Variants in KIFAP3 observed in about 807,000 individuals in gnomAD.
KIFAP3 encodes the protein kinesin-associated protein 3.
Under a neutral mutation model 106.5 loss-of-function variants are expected in KIFAP3, and 68 were observed. The ratio of observed to expected loss-of-function variants is 0.64; its 90% CI spans 0.53 to 0.78. KIFAP3 has a LOEUF of 0.78. KIFAP3 is among the 30% of genes least tolerant of loss of function. The pLI is 0.00. For missense variants in KIFAP3, 780 were observed against 941.8 expected (o/e 0.83, Z 2.25); for synonymous variants, 320 against 311.5 (o/e 1.03, Z -0.29).
intron 10 of KIFAP3, among the ~76,000 whole-genome samples, chr1:170,000,702 G>A (rs962479352): frequency 6.6e-6 from 1 of 152,092 alleles, no homozygotes; most frequent in Non-Finnish European, 1.5e-5. Context: ...GATAGCCTTA[G>A]TTTAAACTTG....
At chr1:169,969,858 A>G (rs489899) in intron 17 of KIFAP3, among the ~76,000 whole-genome samples, 141,787 of 152,028 alleles carry the variant, frequency 0.93, 66,175 homozygotes, top group East Asian at 1. Flanking sequence ...TAGATTGTAA[A>G]TTTTTATATT....
chr1:170,061,228 C>A (rs1049530268), intron 1 of KIFAP3, among the ~76,000 whole-genome samples: 2 of 152,106 alleles, frequency 1.3e-5, no homozygotes, highest in African/African-American at 2.4e-5. Context: ...AACAGGCAAC[C>A]TACAGAATGG....
chr1:170,012,960 C>G (rs551178250), intron 10 of KIFAP3, among the ~76,000 whole-genome samples: 2 of 152,054 alleles, frequency 1.3e-5, no homozygotes, highest in Admixed American at 1.3e-4. Context: ...CCACCTGGCC[C>G]GGCCCTTGAA....
chr1:169,930,651 T>C (rs888351268), intron 19 of KIFAP3, among the ~76,000 whole-genome samples: 2 of 152,218 alleles, frequency 1.3e-5, no homozygotes, highest in Non-Finnish European at 2.9e-5. Context: ...TCTTTTCAAC[T>C]GATGAGAAAA....
chr1:169,974,603 T>TTTA (rs1666125482), intron 16 of KIFAP3, among the ~76,000 whole-genome samples: 8 of 17,548 alleles, frequency 4.6e-4, no homozygotes, highest in South Asian at 3.3e-3. Flanking sequence ...GTGCATTTTT[T>TTTA]AAAAATATGT....
intron 5 of KIFAP3, among the ~76,000 whole-genome samples, chr1:170,037,347 C>T (rs1273409958): frequency 6.6e-6 from 1 of 152,170 alleles, no homozygotes; most frequent in Non-Finnish European, 1.5e-5. Flanking sequence ...GAAAGGCATT[C>T]TCTCTCATGT....
At chr1:170,007,629 C>A (rs537515492) in intron 10 of KIFAP3, among the ~76,000 whole-genome samples, 146 of 152,130 alleles carry the variant, frequency 9.6e-4, no homozygotes, top group African/African-American at 3.3e-3. Context: ...AGGGCACAAA[C>A]AAATGGAAAA....
At chr1:169,945,039 C>T (rs1664358201) in intron 19 of KIFAP3, among the ~76,000 whole-genome samples, 1 of 152,132 alleles carries the variant, frequency 6.6e-6, no homozygotes, top group Non-Finnish European at 1.5e-5. Context: ...AACATGCCAT[C>T]CAGGGTGCCC....
chr1:170,072,934 A>T (rs759803282), intron 1 of KIFAP3, among the ~76,000 whole-genome samples: 1 of 152,186 alleles, frequency 6.6e-6, no homozygotes, highest in African/African-American at 2.4e-5. Flanking sequence ...CATTACATTG[A>T]CTGGCTTGGT....
intron 3 of KIFAP3, chr1:170,041,607 A>T: frequency 7.9e-7 from 1 of 1,273,372 alleles, no homozygotes; most frequent in East Asian, 2.5e-5. Context: ...GATGAGTCCA[A>T]GTGGCTGCCT....
chr1:170,074,770 C>T (rs1671862758), upstream of KIFAP3: 11 of 1,234,214 alleles, frequency 8.9e-6, no homozygotes, highest in Non-Finnish European at 1.0e-5. Flanking sequence ...GCGGTGGCCT[C>T]AGAGTTTGAC....
At chr1:170,003,528 C>A (rs1667773814) in intron 10 of KIFAP3, among the ~76,000 whole-genome samples, 1 of 152,126 alleles carries the variant, frequency 6.6e-6, no homozygotes, top group Admixed American at 6.5e-5. Context: ...CTCAAGCTGC[C>A]TGCTGGGAGA....
intron 16 of KIFAP3, among the ~76,000 whole-genome samples, chr1:169,977,650 A>G (rs542249525): frequency 5.3e-4 from 80 of 152,268 alleles, no homozygotes; most frequent in African/African-American, 1.8e-3. Context: ...AGAGGCAGTT[A>G]GCAACAAATG....
intron 16 of KIFAP3, among the ~76,000 whole-genome samples, chr1:169,972,987 C>A (rs1001818447): frequency 8.0e-5 from 12 of 150,210 alleles, no homozygotes; most frequent in Non-Finnish European, 1.5e-5. Context: ...TAATTTCAAA[C>A]AAAACTAACA....
At chr1:169,963,636 G>A (rs925866934) in intron 17 of KIFAP3, among the ~76,000 whole-genome samples, 3 of 152,006 alleles carry the variant, frequency 2.0e-5, no homozygotes, top group Non-Finnish European at 4.4e-5. Flanking sequence ...GAGATTACAG[G>A]TGCCTGCCAC....
Position 170,074,542 on chromosome 1 carries a change from CA to C in KIFAP3, c.-76del, listed in dbSNP as rs1671848723. ...CGCGGTTATTTCCGGGGACGGTGGC[CA>C]AAGTACCCTCACACCCAGAGGCGAT... On this transcript the variant is annotated 5_prime_UTR_variant, in exon 1 of 20. Transcript: ENST00000361580. 1 of 1,606,446 alleles carries C rather than the reference CA, an allele frequency of 6.2e-7. No individual in the cohort carries two copies. Among genetic ancestry groups the C allele is most frequent in the Admixed American group, 1.7e-5 (1 of 59,026 alleles).
intron 2 of KIFAP3, among the ~76,000 whole-genome samples, chr1:170,052,804 A>G (rs1670644322): frequency 1.3e-5 from 2 of 152,220 alleles, no homozygotes; most frequent in South Asian, 4.1e-4. Context: ...TTTTTATGTT[A>G]AAAACTCTCA....
intron 3 of KIFAP3, among the ~76,000 whole-genome samples, chr1:170,039,639 G>A (rs1669873342): frequency 6.6e-6 from 1 of 151,530 alleles, no homozygotes; most frequent in Admixed American, 6.6e-5. Context: ...GGTAGGAATA[G>A]GAAAATCAAT....
intron 17 of KIFAP3, among the ~76,000 whole-genome samples, chr1:169,968,848 AT>A (rs1665766053): frequency 6.6e-6 from 1 of 151,596 alleles, no homozygotes; most frequent in Admixed American, 6.6e-5. Flanking sequence ...AAAAAGTAAC[AT>A]GCATAACAGG....
Sources: gnomAD v4.1 joint callset for allele counts (sites outside exome capture counted in the v4.1 genomes callset) on GRCh38, gnomAD v4.1.1 for gene constraint, MANE v1.5 for transcripts, NCBI Gene and HGNC (gene_info 2026-07-23, HGNC 2026-07-21) for gene names.